Variants in UGT1A6 observed in about 807,000 individuals in gnomAD.
UGT1A6 encodes UDP-glucuronosyltransferase 1A6.
UGT1A6 carries 32 observed loss-of-function variants against 44.4 expected under a neutral mutation model. The ratio of observed to expected loss-of-function variants is 0.72; its 90% CI spans 0.54 to 0.97. The LOEUF is 0.97. Ranked by LOEUF, UGT1A6 falls within the 50% of genes least tolerant of loss-of-function variation. The pLI is 0.00. For synonymous variants in UGT1A6, 238 were observed against 248.5 expected (o/e 0.96, Z 0.40); for missense variants, 685 against 661.9 (o/e 1.03, Z -0.38).
chr2:233,721,938 A>G (rs2076981722), intron 1 of UGT1A6: 13 of 361,422 alleles, frequency 3.6e-5, no homozygotes, highest in South Asian at 2.7e-4. Flanking sequence ...TCCTTCAGAC[A>G]CTTGGTGGCT....
chr2:233,693,869 G>C lies in UGT1A6; in HGVS notation c.861+4G>C, dbSNP rs1216343512. On this transcript the variant is annotated splice_donor_region_variant and intron_variant, in intron 1 of 4. Transcript: ENST00000305139. ...GAAGAGGAAAGACTTGTCTCAGGTT[G>C]GTGGGTTTATTTCTTTTGGACTGCC... 1 of 1,614,152 alleles carries C rather than the reference G, an allele frequency of 6.2e-7. No individual in the cohort carries two copies. The highest frequency in any genetic ancestry group is 8.5e-7 in the Non-Finnish European group (1 of 1,180,022).
Position 233,693,643 on chromosome 2 carries a change from T to C in UGT1A6, c.639T>C (p.Leu213=). ...MTFSQRVANF[L]VNLLEPYLFY... ...TTTCCCAACGAGTGGCCAACTTCCT[T>C]GTTAATTTGTTGGAGCCCTATCTAT... The change falls in exon 1 of 5, where the codon CTT becomes CTC. Residue 213 remains leucine (L), a synonymous_variant. Transcript: ENST00000305139. 1 of 1,614,190 alleles carries C rather than the reference T, an allele frequency of 6.2e-7. No homozygotes were observed. The highest frequency in any genetic ancestry group is 8.5e-7 in the Non-Finnish European group (1 of 1,180,042).
intron 1 of UGT1A6, chr2:233,748,172 T>A: frequency 6.3e-7 from 1 of 1,584,752 alleles, no homozygotes; most frequent in Non-Finnish European, 8.6e-7. Context: ...TCTACTTATC[T>A]TTCTGGTGCT....
chr2:233,716,176 C>T (rs1228231664), intron 1 of UGT1A6, among the ~76,000 whole-genome samples: 1 of 152,126 alleles, frequency 6.6e-6, no homozygotes, highest in Non-Finnish European at 1.5e-5. Flanking sequence ...GCAGCATCTT[C>T]AAGTCTCTAA....
At chr2:233,716,525 A>G (rs931011254) in intron 1 of UGT1A6, among the ~76,000 whole-genome samples, 1 of 152,164 alleles carries the variant, frequency 6.6e-6, no homozygotes, top group Non-Finnish European at 1.5e-5. Flanking sequence ...CTTACCATTC[A>G]ATTATCTCCT....
chr2:233,700,690 A>T (rs369604728), intron 1 of UGT1A6, among the ~76,000 whole-genome samples: 121 of 152,202 alleles, frequency 7.9e-4, no homozygotes, highest in African/African-American at 2.8e-3. Context: ...TAATATATAA[A>T]CTACACTTTG....
At chr2:233,743,515 C>G in intron 1 of UGT1A6, 2 of 1,367,292 alleles carry the variant, frequency 1.5e-6, no homozygotes, top group African/African-American at 1.5e-5. Flanking sequence ...AGACGCTCTG[C>G]TTCTGCTTCC....
At chr2:233,754,544 A>G in intron 1 of UGT1A6, 1 of 379,568 alleles carries the variant, frequency 2.6e-6, no homozygotes, top group Non-Finnish European at 5.2e-6. Context: ...GACTGGAATT[A>G]CTTGGTGTCA....
intron 1 of UGT1A6, among the ~76,000 whole-genome samples, chr2:233,708,986 G>A (rs4663327): frequency 0.15 from 22,905 of 151,890 alleles, 2,054 homozygotes; most frequent in South Asian, 0.24. Flanking sequence ...TTCCTCGGCC[G>A]TGGCATCCTT....
chr2:233,713,194 A>T, intron 1 of UGT1A6: 1 of 1,614,210 alleles, frequency 6.2e-7, no homozygotes. Context: ...GTGAATATGT[A>T]CATCAAAGAA....
chr2:233,731,284 CTT>C (rs78127606), intron 1 of UGT1A6, among the ~76,000 whole-genome samples: 38 of 139,732 alleles, frequency 2.7e-4, no homozygotes, highest in East Asian at 1.2e-3. Context: ...GTTTTTCTTT[CTT>C]TTTTTTTTTT....
chr2:233,694,331 C>G (rs2075215181), intron 1 of UGT1A6, among the ~76,000 whole-genome samples: 1 of 151,490 alleles, frequency 6.6e-6, no homozygotes, highest in Non-Finnish European at 1.5e-5. Context: ...TATGTTGAGA[C>G]CTGTTTTTAT....
At chr2:233,767,454 G>A (rs1699397027) in intron 2 of UGT1A6, among the ~76,000 whole-genome samples, 1 of 152,122 alleles carries the variant, frequency 6.6e-6, no homozygotes, top group South Asian at 2.1e-4. Context: ...TAAAATAAAT[G>A]GGATATTGTT....
At position 233,693,761 on chromosome 2, in the gene UGT1A6, T is replaced by C; in HGVS notation, c.757T>C (p.Trp253Arg). 1.2e-6 allele frequency: 2 copies of C among 1,614,250 alleles called. No homozygotes were observed. The highest frequency in any genetic ancestry group is 1.7e-6 in the Non-Finnish European group (2 of 1,180,042). The change falls in exon 1 of 5, where the codon TGG (tryptophan) becomes CGG (arginine). Residue 253 changes from tryptophan (W) to arginine (R), a missense_variant. Physicochemically the swap from Trp to Arg is moderately radical, Grantham distance 101. Transcript: ENST00000305139. Reference sequence around the variant, plus strand: ...CACCTTATATCAGAAGGTCTCTGTTTGGCTGTTAAGATATGACTTTGTGCT... The same window carrying C: ...CACCTTATATCAGAAGGTCTCTGTTCGGCTGTTAAGATATGACTTTGTGCT... ...IITLYQKVSVWLLRYDFVLEY... is the reference protein window; with the variant it reads ...IITLYQKVSVRLLRYDFVLEY...
At position 233,769,810 on chromosome 2, in the gene UGT1A6, A is replaced by G. The variant is rs1699943868; in HGVS notation, c.1301+1371A>G. The G allele has an allele frequency of 5.9e-6, 6 of 1,010,036 alleles. No individual in the cohort carries two copies. Among genetic ancestry groups the G allele is most frequent in the African/African-American group, 3.3e-5 (2 of 61,048 alleles). The allele number at this position is 1,010,036 out of a possible 1,614,324, so 62.6% of individuals were successfully genotyped here. ...TTGGAGGCTGCTATGAGCCGTGATC[A>G]TGCCACTGCACTCCAGCAACCTGGG... On this transcript the variant is annotated intron_variant, in intron 4 of 4. Transcript: ENST00000305139. This position sits in a 1 kb window ranked among gnomAD's most constrained non-coding sequence, Gnocchi z 4.4.
chr2:233,763,501 T>C (rs1395198282), intron 1 of UGT1A6, among the ~76,000 whole-genome samples: 3 of 152,238 alleles, frequency 2.0e-5, no homozygotes, highest in Non-Finnish European at 4.4e-5. Context: ...CAGTTTACTT[T>C]ATGTTTAGTT....
At chr2:233,755,085 C>T (rs753098995) in intron 1 of UGT1A6, 1 of 1,335,532 alleles carries the variant, frequency 7.5e-7, no homozygotes, top group Non-Finnish European at 1.0e-6. Flanking sequence ...ATAGATATCG[C>T]GTTTCTACGC....
chr2:233,749,814 T>C (rs951105241), intron 1 of UGT1A6, among the ~76,000 whole-genome samples: 1 of 151,928 alleles, frequency 6.6e-6, no homozygotes, highest in African/African-American at 2.4e-5. Flanking sequence ...AAGCTCTTCC[T>C]CTTTCTCTCT....
At chr2:233,698,870 G>A (rs886928644) in intron 1 of UGT1A6, among the ~76,000 whole-genome samples, 1 of 152,196 alleles carries the variant, frequency 6.6e-6, no homozygotes, top group Non-Finnish European at 1.5e-5. Context: ...GTGACTTTGC[G>A]ACTTTGACCA....
Sources: gnomAD v4.1 joint callset for allele counts (sites outside exome capture counted in the v4.1 genomes callset) on GRCh38, gnomAD v4.1.1 for gene constraint, Gnocchi (gnomAD v3.1) non-coding constraint, MANE v1.5 for transcripts, NCBI Gene and HGNC (gene_info 2026-07-23, HGNC 2026-07-21) for gene names.